THRB: variants seen among roughly 807,000 people sequenced by gnomAD.
The protein encoded by THRB is nuclear receptor subfamily 1 group A member 2.
Under a neutral mutation model 47.8 loss-of-function variants are expected in THRB, and 12 were observed. The observed-to-expected ratio is 0.25, with a 90% CI of 0.16 to 0.41. The LOEUF is 0.41. THRB is among the 10% of genes least tolerant of loss of function. The probability of loss-of-function intolerance (pLI) is 1.00; values close to 1 mark genes in which losing one functional copy is unlikely to be tolerated. For synonymous variants in THRB, 218 were observed against 212.2 expected (o/e 1.03, Z -0.24); for missense variants, 348 against 589.2 (o/e 0.59, Z 4.24).
At chr3:24,303,315 G>C (rs984259870) in intron 2 of THRB, among the ~76,000 whole-genome samples, 3 of 152,152 alleles carry the variant, frequency 2.0e-5, no homozygotes, top group Admixed American at 1.3e-4. Flanking sequence ...TGGGCCAAAG[G>C]GTGGTCAGCA....
At chr3:24,189,966 G>A (rs1164966272) in intron 5 of THRB, 108 bp downstream of exon 5, 1 of 1,079,292 alleles carries the variant, frequency 9.3e-7, no homozygotes, top group Non-Finnish European at 1.4e-6. Flanking sequence ...GAGAAAACAT[G>A]GGACACCATA....
At chr3:24,454,243 G>T (rs144325121) in intron 1 of THRB, among the ~76,000 whole-genome samples, 33 of 152,258 alleles carry the variant, frequency 2.2e-4, no homozygotes, top group Non-Finnish European at 4.0e-4. Context: ...CTTAGTGAAA[G>T]AAATCAGTCA....
chr3:24,372,480 A>G (rs2064992371), intron 1 of THRB, among the ~76,000 whole-genome samples: 1 of 152,106 alleles, frequency 6.6e-6, no homozygotes. Flanking sequence ...CCCTTATAAG[A>G]AAATCAGTCA....
intron 1 of THRB, among the ~76,000 whole-genome samples, chr3:24,468,131 T>G (rs572554337): frequency 6.6e-6 from 1 of 152,340 alleles, no homozygotes; most frequent in East Asian, 1.9e-4. Context: ...GGAACCAACC[T>G]CTGCAAACTT....
chr3:24,447,646 T>C (rs2072229155), intron 1 of THRB, among the ~76,000 whole-genome samples: 1 of 152,118 alleles, frequency 6.6e-6, no homozygotes, highest in South Asian at 2.1e-4. Flanking sequence ...AAATTTAAAG[T>C]ACTATATAGC....
At chr3:24,235,592 A>G (rs181326086) in intron 3 of THRB, among the ~76,000 whole-genome samples, 5 of 152,304 alleles carry the variant, frequency 3.3e-5, no homozygotes, top group Admixed American at 1.3e-4. Flanking sequence ...GGCAGCCCAG[A>G]AAAGCCATGA....
At chr3:24,331,355 C>G (rs910630310) in intron 2 of THRB, among the ~76,000 whole-genome samples, 1 of 152,116 alleles carries the variant, frequency 6.6e-6, no homozygotes, top group Non-Finnish European at 1.5e-5. Flanking sequence ...AACTTAACAA[C>G]TATTTTCTCC....
chr3:24,182,126 G>A (rs529279686), intron 5 of THRB, among the ~76,000 whole-genome samples: 37 of 152,242 alleles, frequency 2.4e-4, no homozygotes, highest in African/African-American at 8.2e-4. Context: ...GCGTGAACCC[G>A]GGAGGTGGAG....
chr3:24,210,736 C>T (rs1415416036), intron 4 of THRB, among the ~76,000 whole-genome samples: 1 of 152,150 alleles, frequency 6.6e-6, no homozygotes, highest in Non-Finnish European at 1.5e-5. Context: ...ATGACTGATT[C>T]CCGGAGGGAA....
At chr3:24,177,181 T>G (rs2041273392) in intron 5 of THRB, among the ~76,000 whole-genome samples, 1 of 152,172 alleles carries the variant, frequency 6.6e-6, no homozygotes, top group African/African-American at 2.4e-5. Context: ...TCCCACACAC[T>G]GAATACTTCA....
At position 24,376,815 on chromosome 3, in the gene THRB, T is replaced by C. The variant is rs114573805; in HGVS notation, c.-260-39444A>G. On this transcript the variant is annotated intron_variant, in intron 1 of 10. Coordinates refer to ENST00000646209, the MANE Select transcript of THRB (RefSeq NM_001354712.2). ...TACTCTTTAAAGGAAGACAATGACATCTAAAGTTTTAACATTGTTACACTA... is the reference window on the plus strand; with the variant it reads ...TACTCTTTAAAGGAAGACAATGACACCTAAAGTTTTAACATTGTTACACTA... Among the ~76,000 whole-genome samples, 716 of 152,294 alleles carry C rather than the reference T, an allele frequency of 4.7e-3. 7 individuals carry two copies. Among genetic ancestry groups the C allele is most frequent in the African/African-American group, 0.017 (695 of 41,574 alleles).
intron 5 of THRB, among the ~76,000 whole-genome samples, chr3:24,181,317 C>G (rs907297497): frequency 4.0e-5 from 6 of 151,792 alleles, no homozygotes; most frequent in Non-Finnish European, 2.9e-5. Context: ...TCTTTGTGGT[C>G]AGTTAATCTC....
intron 1 of THRB, among the ~76,000 whole-genome samples, chr3:24,424,230 G>T (rs1449444837): frequency 6.6e-6 from 1 of 151,662 alleles, no homozygotes; most frequent in African/African-American, 2.4e-5. Context: ...TCAGTTAATT[G>T]TTCTGGGGCG....
intron 1 of THRB, among the ~76,000 whole-genome samples, chr3:24,400,600 C>T (rs1227278583): frequency 6.6e-6 from 1 of 151,974 alleles, no homozygotes; most frequent in East Asian, 1.9e-4. Context: ...AAAAGACAGG[C>T]GTCCAACTCC....
intron 1 of THRB, among the ~76,000 whole-genome samples, chr3:24,479,194 C>T (rs1465797644): frequency 1.3e-5 from 2 of 151,976 alleles, no homozygotes; most frequent in East Asian, 1.9e-4. Context: ...CCCAGCTACT[C>T]GGGAGGCTGA....
At chr3:24,327,791 A>G (rs1266506462) in intron 2 of THRB, among the ~76,000 whole-genome samples, 1 of 152,228 alleles carries the variant, frequency 6.6e-6, no homozygotes, top group Non-Finnish European at 1.5e-5. Flanking sequence ...TCAAATTAAG[A>G]CTTTGCAATA....
chr3:24,315,794 G>A (rs1394397268), intron 2 of THRB, among the ~76,000 whole-genome samples: 1 of 152,158 alleles, frequency 6.6e-6, no homozygotes, highest in Non-Finnish European at 1.5e-5. Flanking sequence ...GCAGGGAGAA[G>A]TAGTTCACTC....
chr3:24,170,531 T>C (rs1348653916), intron 5 of THRB, among the ~76,000 whole-genome samples: 1 of 152,230 alleles, frequency 6.6e-6, no homozygotes, highest in Non-Finnish European at 1.5e-5. Context: ...AAGGTGGTCC[T>C]TCCCCACTAC....
chr3:24,248,712 C>T (rs1267691408), intron 3 of THRB, among the ~76,000 whole-genome samples: 2 of 152,180 alleles, frequency 1.3e-5, no homozygotes, highest in African/African-American at 4.8e-5. Context: ...CCTCTTTCTA[C>T]ATTTCCAAAA....
Sources: gnomAD v4.1 joint callset for allele counts (sites outside exome capture counted in the v4.1 genomes callset) on GRCh38, gnomAD v4.1.1 for gene constraint, MANE v1.5 for transcripts, NCBI Gene and HGNC (gene_info 2026-07-23, HGNC 2026-07-21) for gene names.